The following RAB15 variants were observed in gnomAD, a reference collection of about 807,000 sequenced individuals.
RAB15 encodes the protein RAB15, member RAS oncogene family, also known as ras-related protein Rab-15.
A neutral mutation model predicts 31.8 loss-of-function variants in RAB15; 13 were observed. The observed-to-expected ratio is 0.41, with a 90% CI of 0.27 to 0.65. The LOEUF (loss-of-function observed/expected upper bound fraction) is 0.65. Ranked by LOEUF, RAB15 falls within the 30% of genes least tolerant of loss-of-function variation. The probability of loss-of-function intolerance (pLI) is 0.32; values close to 1 mark genes in which losing one functional copy is unlikely to be tolerated. For synonymous variants in RAB15, 100 were observed against 105.6 expected, an observed-to-expected ratio of 0.95 and a Z score of 0.33; for missense variants, 220 against 277.3, an observed-to-expected ratio of 0.79 and a Z score of 1.47.
At position 64,950,905 on chromosome 14, in the gene RAB15, G is replaced by T; in HGVS notation, c.324+169C>A. The T allele has an allele frequency of 7.1e-7, 1 of 1,413,686 alleles. No individual in the cohort carries two copies. The highest frequency in any genetic ancestry group is 9.9e-7 in the Non-Finnish European group (1 of 1,007,036). 87.6% of individuals were successfully genotyped at this position (1,413,686 alleles called of 1,614,324 possible). On this transcript the variant is annotated intron_variant, in intron 4 of 6. Coordinates refer to ENST00000533601, the MANE Select transcript of RAB15 (RefSeq NM_001308154.2). This position sits in a 1 kb window ranked among gnomAD's most constrained non-coding sequence, Gnocchi z 5.6. ...GCCTGGCAGGGTATAGAGAGTGAGGGCATGGCAGCTTCGGTTTCTTCCCCA... is the reference window on the plus strand; with the variant it reads ...GCCTGGCAGGGTATAGAGAGTGAGGTCATGGCAGCTTCGGTTTCTTCCCCA...
In RAB15 at chr14:64,948,341, C is replaced by T. The variant is rs557499398; in HGVS notation, c.*13G>A. The T allele has an allele frequency of 1.3e-3, 1,906 of 1,516,334 alleles. 1 individual carries two copies. Among genetic ancestry groups the T allele is most frequent in the Middle Eastern group, 3.1e-3 (18 of 5,716 alleles). 93.9% of individuals were successfully genotyped at this position (1,516,334 alleles called of 1,614,324 possible). On this transcript the variant is annotated 3_prime_UTR_variant, in exon 7 of 7. Transcript: ENST00000533601. This position sits in a 1 kb window ranked among gnomAD's most constrained non-coding sequence, Gnocchi z 7.0. ...GGGAAGAGGGGTGTCGTGTGGGGTG[C>T]CCCACACAGGACTCAGCACCAGCAG...
Position 64,958,648 on chromosome 14 carries a change from A to C in RAB15, c.125-6077T>G, listed in dbSNP as rs1218281984. Among the ~76,000 whole-genome samples, 1 of 152,128 alleles carries C rather than the reference A, an allele frequency of 6.6e-6. No individual in the cohort carries two copies. Among genetic ancestry groups the C allele is most frequent in the Non-Finnish European group, 1.5e-5 (1 of 68,030 alleles). On this transcript the variant is annotated intron_variant, in intron 1 of 6. Transcript: ENST00000533601. The surrounding 1 kb of genome is among the most constrained non-coding windows in gnomAD (Gnocchi z 4.4). Reference sequence around the variant, plus strand: ...TCATCACCCCGACAGTGTCCCTACAAAACAGTCTACTTCCTTTCTTGGGTA... The same window carrying C: ...TCATCACCCCGACAGTGTCCCTACACAACAGTCTACTTCCTTTCTTGGGTA...
rs1165246293 is a variant in RAB15, at chr14:64,963,109, C to CT, written c.124+8843dup. The stretch of plus-strand genomic sequence containing the variant: ...TCAGGATCAGTGTTCCCCTTCCCCA[C>CT]TTTTTTTTTTTTTTTTTTTTTTTTT... On this transcript the variant is annotated intron_variant, in intron 1 of 6. Coordinates refer to ENST00000533601, the MANE Select transcript of RAB15 (RefSeq NM_001308154.2). Among the ~76,000 whole-genome samples, 902 of 96,362 alleles carry CT rather than the reference C, an allele frequency of 9.4e-3. 43 individuals are homozygous for CT. The highest frequency in any genetic ancestry group is 0.014 in the African/African-American group (271 of 19,318). The allele number at this position is 96,362 out of a possible 152,430, so 63.2% of individuals were successfully genotyped here. A position where few individuals can be genotyped will look rare whatever the true frequency, so the allele number is the denominator to read the frequency against.
chr14:64,954,658 G>C lies in RAB15; in HGVS notation c.125-2087C>G. The C allele has an allele frequency of 5.0e-6, 2 of 397,194 alleles. No homozygotes were observed. The highest frequency in any genetic ancestry group is 1.0e-4 in the South Asian group (1 of 9,638). The allele number at this position is 397,194 out of a possible 1,614,324, so 24.6% of individuals were successfully genotyped here. A position where few individuals can be genotyped will look rare whatever the true frequency, so the allele number is the denominator to read the frequency against. ...AGAGCCTAGTGGAAAGGAAACAAGGGCTCAGAGAGGTCAATGGCTAGCCAG... is the reference window on the plus strand; with the variant it reads ...AGAGCCTAGTGGAAAGGAAACAAGGCCTCAGAGAGGTCAATGGCTAGCCAG... On this transcript the variant is annotated intron_variant, in intron 1 of 6. Transcript: ENST00000533601. This position sits in a 1 kb window ranked among gnomAD's most constrained non-coding sequence, Gnocchi z 4.3.
Position 64,958,084 on chromosome 14 carries a change from C to G in RAB15, c.125-5513G>C, listed in dbSNP as rs914891362. ...TCAGCCTCCCAAGTAGCTGGGATTA[C>G]AGGCACGTGCCACCACACCCAGCTA... is the stretch of plus-strand genomic sequence containing the variant. On this transcript the variant is annotated intron_variant, in intron 1 of 6. Transcript: ENST00000533601. The surrounding 1 kb of genome is among the most constrained non-coding windows in gnomAD (Gnocchi z 4.4). The G allele has an allele frequency of 6.6e-6, 1 of 152,410 alleles. No individual in the cohort carries two copies. The allele number at this position is 152,410 out of a possible 1,614,324, so 9.4% of individuals were successfully genotyped here.
intron 1 of RAB15, among the ~76,000 whole-genome samples, chr14:64,959,894 C>T (rs1435359979): frequency 6.7e-6 from 1 of 149,646 alleles, no homozygotes; most frequent in Non-Finnish European, 1.5e-5. Context: ...AGGGGGATCT[C>T]CCCCTCACCC....
rs1416050423 is a variant in RAB15 at position 64,950,858 on chromosome 14, C to T, written c.324+216G>A. ...GGAAGACTTGGAACTAATTCATTTC[C>T]GGGAAAGACACAGCCGTGGAGGCCT... On this transcript the variant is annotated intron_variant, in intron 4 of 6. Transcript: ENST00000533601. The surrounding 1 kb of genome is among the most constrained non-coding windows in gnomAD (Gnocchi z 5.6). The T allele has an allele frequency of 2.8e-5, 26 of 917,120 alleles. No homozygotes were observed. Among genetic ancestry groups the T allele is most frequent in the Middle Eastern group, 5.7e-4 (2 of 3,486 alleles). The allele number at this position is 917,120 out of a possible 1,614,324, so 56.8% of individuals were successfully genotyped here.
Position 64,950,492 on chromosome 14 carries a change from TC to T in RAB15, c.325-79del. On this transcript the variant is annotated intron_variant, in intron 4 of 6. Coordinates refer to ENST00000533601, the MANE Select transcript of RAB15 (RefSeq NM_001308154.2). This position sits in a 1 kb window ranked among gnomAD's most constrained non-coding sequence, Gnocchi z 5.6. The stretch of plus-strand genomic sequence containing the variant: ...TTTTCCCTACAGAGTCTGCACTGCC[TC>T]CAGCCCACCACCAATTCCAGAGCCC... 1 of 1,184,036 alleles carries T rather than the reference TC, an allele frequency of 8.4e-7. No individual in the cohort carries two copies. The highest frequency in any genetic ancestry group is 1.3e-6 in the Non-Finnish European group (1 of 794,668). The allele number at this position is 1,184,036 out of a possible 1,614,324, so 73.3% of individuals were successfully genotyped here. A position where few individuals can be genotyped will look rare whatever the true frequency, so the allele number is the denominator to read the frequency against.
chr14:64,970,472 C>T lies in RAB15; in HGVS notation c.124+1481G>A, dbSNP rs976832743. Among the ~76,000 whole-genome samples the T allele has an allele frequency of 1.2e-4, 18 of 152,190 alleles. No individual in the cohort carries two copies. The highest frequency in any genetic ancestry group is 4.3e-4 in the African/African-American group (18 of 41,434). ...CTGGGTTTCCTAAGAGTTGGCCTTA[C>T]AGCTCCTCTGAGAAAGACGGACAAG... On this transcript the variant is annotated intron_variant, in intron 1 of 6. Coordinates refer to ENST00000533601, the MANE Select transcript of RAB15 (RefSeq NM_001308154.2). This position sits in a 1 kb window ranked among gnomAD's most constrained non-coding sequence, Gnocchi z 4.1.
In RAB15 at chr14:64,952,415, G is replaced by C. The variant is rs1282584035; in HGVS notation, c.185+96C>G. ...ATCAGAGAGGTGGCCAGTTATCCCA[G>C]GTGAAGCCTAGGAATTTTACACATG... On this transcript the variant is annotated intron_variant, in intron 2 of 6. Transcript: ENST00000533601. This position sits in a 1 kb window ranked among gnomAD's most constrained non-coding sequence, Gnocchi z 4.2. 7.7e-6 allele frequency: 7 copies of C among 911,016 alleles called. No homozygotes were observed. Among genetic ancestry groups the C allele is most frequent in the Non-Finnish European group, 1.2e-5 (7 of 565,762 alleles). 56.4% of individuals were successfully genotyped at this position (911,016 alleles called of 1,614,324 possible). A position where few individuals can be genotyped will look rare whatever the true frequency, so the allele number is the denominator to read the frequency against.
Position 64,967,161 on chromosome 14 carries a change from C to G in RAB15, c.124+4792G>C, listed in dbSNP as rs866373388. On this transcript the variant is annotated intron_variant, in intron 1 of 6. Coordinates refer to ENST00000533601, the MANE Select transcript of RAB15 (RefSeq NM_001308154.2). Reference sequence around the variant, plus strand: ...CTGAGAAAGTGCCCTGAAGCCACAGCAGCCCAACCTGTCCAACCAGATCAC... The same window carrying G: ...CTGAGAAAGTGCCCTGAAGCCACAGGAGCCCAACCTGTCCAACCAGATCAC... 2.0e-5 allele frequency among the ~76,000 whole-genome samples: 3 copies of G among 152,298 alleles called. No homozygotes were observed. The South Asian group carries it at 6.2e-4, about 32-fold the overall frequency.
intron 5 of RAB15, among the ~76,000 whole-genome samples, chr14:64,949,401 G>A (rs754737240): frequency 2.0e-5 from 3 of 152,164 alleles, no homozygotes; most frequent in Non-Finnish European, 4.4e-5. Context: ...TGAGGTCCAC[G>A]GACTGAGTGG....
Position 64,950,494 on chromosome 14 carries a change from C to T in RAB15, c.325-80G>A. 1 of 1,146,088 alleles carries T rather than the reference C, an allele frequency of 8.7e-7. No individual in the cohort carries two copies. 71.0% of individuals were successfully genotyped at this position (1,146,088 alleles called of 1,614,324 possible). ...TTCCCTACAGAGTCTGCACTGCCTC[C>T]AGCCCACCACCAATTCCAGAGCCCT... On this transcript the variant is annotated intron_variant, in intron 4 of 6. Coordinates refer to ENST00000533601, the MANE Select transcript of RAB15 (RefSeq NM_001308154.2). This position sits in a 1 kb window ranked among gnomAD's most constrained non-coding sequence, Gnocchi z 5.6.
At position 64,948,754 on chromosome 14, in the gene RAB15, TGAAA is replaced by T. The variant is rs141876654; in HGVS notation, c.415-25_415-22del. The T allele has an allele frequency of 0.16, 252,488 of 1,611,640 alleles. 21,116 individuals carry two copies. Among genetic ancestry groups the T allele is most frequent in the Non-Finnish European group, 0.17 (197,495 of 1,178,158 alleles). On this transcript the variant is annotated intron_variant, in intron 5 of 6. Coordinates refer to ENST00000533601, the MANE Select transcript of RAB15 (RefSeq NM_001308154.2). The surrounding 1 kb of genome is among the most constrained non-coding windows in gnomAD (Gnocchi z 7.0). Reference sequence around the variant, plus strand: ...GCCAGCTGCAAGAGAAGGACATTTCTGAAAGAGAGTCAGTAAGGCAGGGGAGGGG... The same window carrying T: ...GCCAGCTGCAAGAGAAGGACATTTCTGAGAGTCAGTAAGGCAGGGGAGGGG...
intron 1 of RAB15, among the ~76,000 whole-genome samples, chr14:64,960,864 G>A (rs925913265): frequency 1.3e-5 from 2 of 152,116 alleles, no homozygotes; most frequent in Admixed American, 1.3e-4. Flanking sequence ...AGGAAATGCC[G>A]CCCCCTGTGG....
At chr14:64,959,497 C>G (rs1027417353) in intron 1 of RAB15, among the ~76,000 whole-genome samples, 2 of 152,140 alleles carry the variant, frequency 1.3e-5, no homozygotes, top group Non-Finnish European at 2.9e-5. Flanking sequence ...TTTGTTTGCT[C>G]GTTTTTAAAA....
At chr14:64,959,280 C>A (rs915556290) in intron 1 of RAB15, among the ~76,000 whole-genome samples, 1 of 152,138 alleles carries the variant, frequency 6.6e-6, no homozygotes, top group Admixed American at 6.5e-5. Context: ...CTTAGTGACA[C>A]CTGAGAGTGC....
intron 1 of RAB15, among the ~76,000 whole-genome samples, chr14:64,969,792 C>T (rs1312508055): frequency 6.6e-6 from 1 of 152,198 alleles, no homozygotes; most frequent in African/African-American, 2.4e-5. Context: ...CAGGAAGTCC[C>T]TGTGACCTAT....
Position 64,953,646 on chromosome 14 carries a change from G to C in RAB15, c.125-1075C>G, listed in dbSNP as rs1886387746. On this transcript the variant is annotated intron_variant, in intron 1 of 6. Transcript: ENST00000533601. The surrounding 1 kb of genome is among the most constrained non-coding windows in gnomAD (Gnocchi z 4.6). ...GCAGCAAGAGAAGTCAGCACCACCA[G>C]CAGCAGCCAGCTTGACTCTGAGTGA... 3.6e-6 allele frequency: 1 copy of C among 279,682 alleles called. No homozygotes were observed. Among genetic ancestry groups the C allele is most frequent in the Non-Finnish European group, 5.4e-6 (1 of 184,872 alleles). The allele number at this position is 279,682 out of a possible 1,614,324, so 17.3% of individuals were successfully genotyped here. A position where few individuals can be genotyped will look rare whatever the true frequency, so the allele number is the denominator to read the frequency against.
Sources: gnomAD v4.1 joint callset for allele counts (sites outside exome capture counted in the v4.1 genomes callset) on GRCh38, gnomAD v4.1.1 for gene constraint, Gnocchi (gnomAD v3.1) non-coding constraint, MANE v1.5 for transcripts, NCBI Gene and HGNC (gene_info 2026-07-23, HGNC 2026-07-21) for gene names.